The following DCC variants were observed in gnomAD, a reference collection of about 807,000 sequenced individuals.
DCC encodes netrin receptor DCC.
In DCC, 58 loss-of-function variants were observed where a neutral mutation model predicts 172.5. That is an observed-to-expected ratio of 0.34 (90% CI 0.27 to 0.42). DCC has a LOEUF of 0.42. DCC is among the 10% of genes least tolerant of loss of function. The pLI, the probability that DCC is intolerant of heterozygous loss-of-function variation, is 1.00. For synonymous variants in DCC, 709 were observed against 644.5 expected (o/e 1.10, Z -1.52); for missense variants, 1,740 against 1,791.0 (o/e 0.97, Z 0.51).
chr18:53,287,937 G>A (rs925805288), intron 12 of DCC, among the ~76,000 whole-genome samples: 2 of 152,120 alleles, frequency 1.3e-5, no homozygotes, highest in Non-Finnish European at 2.9e-5. Flanking sequence ...TAGAACTGGA[G>A]AGGATTTTTT....
At chr18:53,072,245 T>C (rs568991523) in intron 7 of DCC, among the ~76,000 whole-genome samples, 2 of 152,302 alleles carry the variant, frequency 1.3e-5, no homozygotes, top group South Asian at 4.1e-4. Flanking sequence ...TGGATGGTGA[T>C]AAATTAATTA....
chr18:53,062,004 T>C (rs2042501806), intron 5 of DCC, among the ~76,000 whole-genome samples: 1 of 152,136 alleles, frequency 6.6e-6, no homozygotes, highest in African/African-American at 2.4e-5. Context: ...TCAAGTAATA[T>C]TTCTGATATC....
chr18:53,306,132 G>C lies in DCC; in HGVS notation c.2053+413G>C, dbSNP rs1195100122. Reference sequence around the variant, plus strand: ...GGGTTGAAAACTGAAGAAAAGGGTAGATTGTAAAACAAAGAGAGAGATTAT... The same window carrying C: ...GGGTTGAAAACTGAAGAAAAGGGTACATTGTAAAACAAAGAGAGAGATTAT... On this transcript the variant is annotated intron_variant, in intron 13 of 28. Coordinates refer to ENST00000442544, the MANE Select transcript of DCC (RefSeq NM_005215.4). 3.3e-5 allele frequency among the ~76,000 whole-genome samples: 5 copies of C among 152,264 alleles called. No homozygotes were observed. The East Asian group carries it at 9.6e-4, about 29-fold the overall frequency.
At chr18:52,595,429 T>C (rs1018427611) in intron 1 of DCC, among the ~76,000 whole-genome samples, 12 of 152,332 alleles carry the variant, frequency 7.9e-5, no homozygotes, top group African/African-American at 2.9e-4. Context: ...ATTAACAGCA[T>C]CAAACCAAAT....
chr18:53,285,589 T>C (rs1479830844), intron 12 of DCC, among the ~76,000 whole-genome samples: 1 of 152,244 alleles, frequency 6.6e-6, no homozygotes, highest in Non-Finnish European at 1.5e-5. Flanking sequence ...GCTAGGGCAG[T>C]GCAGAAAGGA....
At chr18:53,355,466 G>A (rs903330045) in intron 15 of DCC, among the ~76,000 whole-genome samples, 1 of 152,144 alleles carries the variant, frequency 6.6e-6, no homozygotes, top group Non-Finnish European at 1.5e-5. Flanking sequence ...GTGGTTTGTA[G>A]TTCTCCTTGA....
intron 2 of DCC, among the ~76,000 whole-genome samples, chr18:52,766,309 GT>G (rs1278489506): frequency 6.6e-6 from 1 of 152,222 alleles, no homozygotes; most frequent in Non-Finnish European, 1.5e-5. Flanking sequence ...GTGTGTTACA[GT>G]GCTTTCAGCT....
rs991889413 is a variant in DCC, at chr18:53,531,249, G to T, written c.*596G>T. On this transcript the variant is annotated 3_prime_UTR_variant, in exon 29 of 29. Transcript: ENST00000442544. ...AGTCATTCATCTTGCACAAGTGGTGGATATTAGTGAGTGGCTAAAAATTCA... is the reference window on the plus strand; with the variant it reads ...AGTCATTCATCTTGCACAAGTGGTGTATATTAGTGAGTGGCTAAAAATTCA... The T allele has an allele frequency of 6.3e-6, 1 of 159,730 alleles. No homozygotes were observed. The highest frequency in any genetic ancestry group is 5.9e-5 in the Admixed American group (1 of 17,048). 9.9% of individuals were successfully genotyped at this position (159,730 alleles called of 1,614,324 possible).
chr18:53,510,400 A>C (rs2046236189), intron 27 of DCC, among the ~76,000 whole-genome samples: 1 of 152,200 alleles, frequency 6.6e-6, no homozygotes, highest in Admixed American at 6.5e-5. Context: ...GAGCTAATTA[A>C]AATAAATGTT....
chr18:53,297,704 T>C (rs2057084320), intron 12 of DCC, among the ~76,000 whole-genome samples: 1 of 152,104 alleles, frequency 6.6e-6, no homozygotes, highest in Admixed American at 6.6e-5. Flanking sequence ...GCAAAATAGG[T>C]CTCATATAGA....
chr18:53,078,206 A>C (rs899286981), intron 7 of DCC, among the ~76,000 whole-genome samples: 1 of 152,116 alleles, frequency 6.6e-6, no homozygotes, highest in African/African-American at 2.4e-5. Context: ...TGGGAGGAGC[A>C]CTTGATCTCG....
chr18:53,035,851 A>T (rs1202038210), intron 5 of DCC, among the ~76,000 whole-genome samples: 1 of 151,942 alleles, frequency 6.6e-6, no homozygotes. Flanking sequence ...AGTAATGGAC[A>T]TCCTTATACA....
chr18:53,002,261 G>A (rs1460788841), intron 5 of DCC, among the ~76,000 whole-genome samples: 1 of 152,020 alleles, frequency 6.6e-6, no homozygotes, highest in Non-Finnish European at 1.5e-5. Context: ...AAATGATGCT[G>A]TCTTCTCTGG....
At chr18:52,561,469 T>C (rs569812187) in intron 1 of DCC, among the ~76,000 whole-genome samples, 5 of 152,126 alleles carry the variant, frequency 3.3e-5, no homozygotes, top group East Asian at 1.9e-4. Context: ...TATATATATA[T>C]ACATATACAC....
intron 15 of DCC, among the ~76,000 whole-genome samples, chr18:53,372,454 C>T (rs1279468330): frequency 6.6e-6 from 1 of 151,858 alleles, no homozygotes; most frequent in South Asian, 2.1e-4. Context: ...CTGAGGCCTA[C>T]TTGAGGGTAA....
chr18:52,470,955 C>T (rs1413377702), intron 1 of DCC, among the ~76,000 whole-genome samples: 2 of 152,126 alleles, frequency 1.3e-5, no homozygotes, highest in Non-Finnish European at 2.9e-5. Context: ...GAAGAAACTC[C>T]ACTAATGCTG....
chr18:53,071,921 G>A (rs7228875), intron 7 of DCC, among the ~76,000 whole-genome samples: 2,527 of 152,222 alleles, frequency 0.017, 74 homozygotes, highest in African/African-American at 0.057. Context: ...CTGAGGTCAG[G>A]AGTTTGAGAC....
intron 9 of DCC, among the ~76,000 whole-genome samples, chr18:53,190,859 T>A (rs1322102575): frequency 6.6e-6 from 1 of 152,096 alleles, no homozygotes; most frequent in African/African-American, 2.4e-5. Flanking sequence ...GGCAGGAGAA[T>A]GGCGTGAACC....
At chr18:52,999,470 G>T (rs11082960) in intron 5 of DCC, among the ~76,000 whole-genome samples, 110,020 of 151,798 alleles carry the variant, frequency 0.72, 40,013 homozygotes, top group East Asian at 0.74. Context: ...ATGGAGCATG[G>T]CCAGAGGAGG....
Sources: gnomAD v4.1 joint callset for allele counts (sites outside exome capture counted in the v4.1 genomes callset) on GRCh38, gnomAD v4.1.1 for gene constraint, MANE v1.5 for transcripts, NCBI Gene and HGNC (gene_info 2026-07-23, HGNC 2026-07-21) for gene names.